EYS: variants seen among roughly 807,000 people sequenced by gnomAD.
EYS encodes the protein protein eyes shut homolog.
Under a neutral mutation model 282.1 loss-of-function variants are expected in EYS, and 250 were observed. The ratio of observed to expected loss-of-function variants is 0.89; its 90% CI spans 0.80 to 0.98. The LOEUF is 0.98. EYS is among the 50% of genes least tolerant of loss of function. The pLI is 0.00. For synonymous variants in EYS, 1,355 were observed against 1,282.9 expected (o/e 1.06, Z -1.20); for missense variants, 4,016 against 3,709.0 (o/e 1.08, Z -2.15).
intron 29 of EYS, among the ~76,000 whole-genome samples, chr6:64,351,799 T>C (rs1771650445): frequency 6.6e-6 from 1 of 151,558 alleles, no homozygotes; most frequent in African/African-American, 2.4e-5. Context: ...TACCACACTC[T>C]ATTAAAATGG....
intron 22 of EYS, among the ~76,000 whole-genome samples, chr6:64,763,494 A>G (rs896992062): frequency 2.0e-5 from 3 of 152,122 alleles, no homozygotes; most frequent in African/African-American, 7.2e-5. Flanking sequence ...CTCACAATCC[A>G]ATCACCTCCC....
intron 22 of EYS, among the ~76,000 whole-genome samples, chr6:64,649,002 G>T (rs1399691889): frequency 6.6e-6 from 1 of 152,114 alleles, no homozygotes; most frequent in East Asian, 1.9e-4. Flanking sequence ...AGGCACTTGT[G>T]TGTGTATGTG....
At chr6:64,350,325 C>T (rs1042982975) in intron 29 of EYS, among the ~76,000 whole-genome samples, 2 of 89,666 alleles carry the variant, frequency 2.2e-5, no homozygotes, top group African/African-American at 3.9e-5. Flanking sequence ...CTATGACAAG[C>T]CCTTGCTTAA....
chr6:64,654,551 C>G (rs1768679035), intron 22 of EYS, among the ~76,000 whole-genome samples: 1 of 152,206 alleles, frequency 6.6e-6, no homozygotes. Flanking sequence ...TAAGTAGGAC[C>G]AAGTTGCAGA....
At chr6:64,751,632 T>C (rs1772760730) in intron 22 of EYS, among the ~76,000 whole-genome samples, 1 of 152,204 alleles carries the variant, frequency 6.6e-6, no homozygotes, top group Non-Finnish European at 1.5e-5. Flanking sequence ...TTAACAAAGA[T>C]CATTCATATA....
chr6:63,774,182 T>G (rs578037409), intron 40 of EYS, among the ~76,000 whole-genome samples: 1 of 152,246 alleles, frequency 6.6e-6, no homozygotes, highest in Admixed American at 6.5e-5. Context: ...TTCTTTTTTT[T>G]TTTCAGATGG....
At chr6:65,665,674 T>C (rs1768172228) in intron 1 of EYS, among the ~76,000 whole-genome samples, 1 of 152,056 alleles carries the variant, frequency 6.6e-6, no homozygotes, top group African/African-American at 2.4e-5. Context: ...ATTAATAGAT[T>C]CTTAAATAAT....
At chr6:65,294,702 G>C (rs904342245) in intron 12 of EYS, among the ~76,000 whole-genome samples, 2 of 151,806 alleles carry the variant, frequency 1.3e-5, no homozygotes, top group African/African-American at 4.8e-5. Flanking sequence ...ATTATGCAGA[G>C]TTAAATTCAT....
intron 18 of EYS, among the ~76,000 whole-genome samples, chr6:64,889,045 A>T (rs982981601): frequency 2.6e-5 from 4 of 152,052 alleles, no homozygotes; most frequent in Admixed American, 1.3e-4. Context: ...TCTACTTTGT[A>T]TTTTGAAATA....
At chr6:64,012,051 TC>T (rs1768664086) in intron 33 of EYS, among the ~76,000 whole-genome samples, 1 of 140,682 alleles carries the variant, frequency 7.1e-6, no homozygotes, top group Non-Finnish European at 1.5e-5. Flanking sequence ...CCTCACCCCC[TC>T]CCCTCCTTTC....
intron 14 of EYS, among the ~76,000 whole-genome samples, chr6:64,989,762 A>G (rs1321026078): frequency 7.0e-6 from 1 of 143,246 alleles, no homozygotes. Flanking sequence ...TATATTTCTT[A>G]TAAATATAAA....
At chr6:65,469,629 T>G (rs572167755) in intron 5 of EYS, among the ~76,000 whole-genome samples, 19 of 152,236 alleles carry the variant, frequency 1.2e-4, no homozygotes, top group African/African-American at 4.3e-4. Flanking sequence ...GTATTTTTTA[T>G]TTCTTTTATT....
chr6:65,679,446 C>CA (rs1170720857), intron 1 of EYS, among the ~76,000 whole-genome samples: 1 of 151,872 alleles, frequency 6.6e-6, no homozygotes, highest in Non-Finnish European at 1.5e-5. Context: ...ATCACCAGGA[C>CA]AGATACTGCA....
chr6:64,307,210 T>G (rs1347106649), intron 29 of EYS, 128 bp from the exon 30 acceptor site: 3 of 562,176 alleles, frequency 5.3e-6, no homozygotes, highest in Non-Finnish European at 9.3e-6. Context: ...TTCTACTTAT[T>G]TATAGTACAG....
intron 19 of EYS, among the ~76,000 whole-genome samples, chr6:64,835,290 A>T (rs1379421707): frequency 1.3e-5 from 2 of 151,736 alleles, no homozygotes; most frequent in Admixed American, 1.3e-4. Flanking sequence ...GGGGTTGAGC[A>T]GAGTGTTAGA....
intron 18 of EYS, among the ~76,000 whole-genome samples, chr6:64,901,171 A>G (rs11967217): frequency 0.29 from 43,464 of 151,010 alleles, 8,195 homozygotes; most frequent in African/African-American, 0.54. Flanking sequence ...GTTCTCTCTT[A>G]TAAGTGGGAG....
At chr6:65,705,051 G>A (rs1769825487) in intron 1 of EYS, among the ~76,000 whole-genome samples, 1 of 152,104 alleles carries the variant, frequency 6.6e-6, no homozygotes, top group African/African-American at 2.4e-5. Context: ...ATAGAGAAGT[G>A]TAATAGGCAT....
chr6:65,686,022 T>C (rs1434577013), intron 1 of EYS, among the ~76,000 whole-genome samples: 2 of 152,052 alleles, frequency 1.3e-5, no homozygotes, highest in South Asian at 2.1e-4. Flanking sequence ...TATTTCGAGC[T>C]CTTCCTCAAC....
chr6:65,161,386 G>C (rs138674020), intron 12 of EYS, among the ~76,000 whole-genome samples: 214 of 150,832 alleles, frequency 1.4e-3, no homozygotes, highest in African/African-American at 4.8e-3. Flanking sequence ...TATTCCCATA[G>C]GATAATGTAC....
Sources: allele counts gnomAD v4.1 joint callset (sites outside exome capture counted in the v4.1 genomes callset), GRCh38; gene constraint gnomAD v4.1.1; transcripts MANE v1.5; gene names NCBI Gene and HGNC (gene_info 2026-07-23, HGNC 2026-07-21).